TAF3: variants seen among roughly 807,000 people sequenced by gnomAD.
The protein encoded by TAF3 is TATA-box binding protein associated factor 3, also known as transcription initiation factor TFIID subunit 3.
A neutral mutation model predicts 80.6 loss-of-function variants in TAF3; 7 were observed. That is an observed-to-expected ratio of 0.09 (90% CI 0.05 to 0.16). The LOEUF (loss-of-function observed/expected upper bound fraction) is 0.16, where lower values mean the gene tolerates loss of function less well. TAF3 is among the 10% of genes least tolerant of loss of function. TAF3 has a pLI of 1.00. For synonymous variants in TAF3, 444 were observed against 446.1 expected (o/e 1.00, Z 0.06); for missense variants, 921 against 1,140.2 (o/e 0.81, Z 2.77).
intron 2 of TAF3, among the ~76,000 whole-genome samples, chr10:7,954,837 A>C (rs1199648841): frequency 3.6e-5 from 5 of 138,030 alleles, no homozygotes; most frequent in Non-Finnish European, 6.4e-5. Flanking sequence ...AGAGCTCTCC[A>C]TAGTGAGATT....
At chr10:7,901,356 G>A (rs1837557241) in intron 2 of TAF3, among the ~76,000 whole-genome samples, 1 of 152,126 alleles carries the variant, frequency 6.6e-6, no homozygotes, top group Non-Finnish European at 1.5e-5. Flanking sequence ...GTGCATGTTG[G>A]TCACTCTTTA....
intron 2 of TAF3, among the ~76,000 whole-genome samples, chr10:7,903,917 A>G (rs1216812471): frequency 6.6e-6 from 1 of 152,194 alleles, no homozygotes; most frequent in Non-Finnish European, 1.5e-5. Context: ...ATAACGTGAG[A>G]TAACCTACAG....
chr10:7,964,200 A>G lies in TAF3; in HGVS notation c.690A>G (p.Pro230=), dbSNP rs1434721645. ...NTQKIPPMLS[P]VHVQDSTDLA... ...AAAAGATCCCACCAATGCTTTCTCC[A>G]GTCCATGTACAGGACAGTACAGACT... The change falls in exon 3 of 7, where the codon CCA becomes CCG. Residue 230 remains proline, a synonymous_variant. Transcript: ENST00000344293. The surrounding 1 kb of genome is among the most constrained non-coding windows in gnomAD (Gnocchi z 4.1). 6.2e-7 allele frequency: 1 copy of G among 1,614,206 alleles called. No individual in the cohort carries two copies. The highest frequency in any genetic ancestry group is 1.7e-5 in the Admixed American group (1 of 60,028).
At chr10:7,882,633 C>T (rs138323401) in intron 2 of TAF3, among the ~76,000 whole-genome samples, 7 of 152,194 alleles carry the variant, frequency 4.6e-5, no homozygotes, top group Non-Finnish European at 8.8e-5. Context: ...AAGAATTCTC[C>T]AACAGTCAGT....
intron 2 of TAF3, among the ~76,000 whole-genome samples, chr10:7,834,527 A>G (rs1423797146): frequency 3.3e-5 from 5 of 152,174 alleles, no homozygotes; most frequent in Non-Finnish European, 7.3e-5. Flanking sequence ...CTAGGCAATA[A>G]GTAAATAAAT....
Position 7,887,245 on chromosome 10 carries a change from A to AG in TAF3, c.409+62685_409+62686insG, listed in dbSNP as rs1554780046. Among the ~76,000 whole-genome samples the AG allele has an allele frequency of 1.9e-3, 293 of 150,542 alleles. 1 individual carries two copies. The highest frequency in any genetic ancestry group is 3.2e-3 in the Non-Finnish European group (220 of 67,862). ...AGACTCTGTATTTAAAAAAAAAAAA[A>AG]AAAGAAAGAAAGCTGGTTAAGGAAA... On this transcript the variant is annotated intron_variant, in intron 2 of 6. Transcript: ENST00000344293.
In TAF3 at chr10:8,016,418, A is replaced by G. The variant is rs531748727; in HGVS notation, c.*1667A>G. On this transcript the variant is annotated 3_prime_UTR_variant, in exon 7 of 7. Transcript: ENST00000344293. ...CGACCTCTTCGGAGCACAGGGTGTC[A>G]TTGCCCTCGTTGTTCAAGAGGCCAG... is the stretch of plus-strand genomic sequence containing the variant. The G allele has an allele frequency of 1.3e-5, 2 of 152,224 alleles. No homozygotes were observed. Among genetic ancestry groups the G allele is most frequent in the African/African-American group, 2.4e-5 (1 of 41,452 alleles). 9.4% of individuals were successfully genotyped at this position (152,224 alleles called of 1,614,324 possible).
chr10:7,887,157 G>C (rs977264166), intron 2 of TAF3, among the ~76,000 whole-genome samples: 4 of 151,726 alleles, frequency 2.6e-5, no homozygotes, highest in Non-Finnish European at 4.4e-5. Context: ...GCTTGAACCC[G>C]GGAGGTGGAG....
chr10:7,954,795 A>G (rs925862744), intron 2 of TAF3, among the ~76,000 whole-genome samples: 2 of 140,454 alleles, frequency 1.4e-5, no homozygotes, highest in African/African-American at 5.1e-5. Context: ...TGCCCTCCAT[A>G]GGCGAATGAG....
At chr10:7,863,654 CACATATATATAT>C (rs1837174001) in intron 2 of TAF3, among the ~76,000 whole-genome samples, 1 of 103,346 alleles carries the variant, frequency 9.7e-6, no homozygotes, top group African/African-American at 3.5e-5. Flanking sequence ...TATACACACA[CACATATATATAT>C]ACACACATAT....
At chr10:7,879,262 AG>A (rs1167781802) in intron 2 of TAF3, among the ~76,000 whole-genome samples, 1 of 152,198 alleles carries the variant, frequency 6.6e-6, no homozygotes, top group Non-Finnish European at 1.5e-5. Flanking sequence ...CACCAATTAT[AG>A]TTAAACTGTA....
intron 2 of TAF3, among the ~76,000 whole-genome samples, chr10:7,863,116 T>G (rs1837164039): frequency 6.6e-6 from 1 of 151,714 alleles, no homozygotes; most frequent in Non-Finnish European, 1.5e-5. Context: ...CAGGAAACTG[T>G]GGTGGACTAA....
rs1831562024 is a variant in TAF3 at position 7,965,549 on chromosome 10, C to G, written c.2039C>G (p.Ser680Cys). 1.9e-6 allele frequency: 3 copies of G among 1,600,686 alleles called. No homozygotes were observed. The highest frequency in any genetic ancestry group is 2.5e-6 in the Non-Finnish European group (3 of 1,176,884). ...TCCAGGGTCCCAGCCATGCTGCCAT[C>G]TTTGTTGCCAGTGCTTCCGGAAAAA... ...TASRVPAMLPSLLPVLPEKLF... is the reference protein window; with the variant it reads ...TASRVPAMLPCLLPVLPEKLF... The change falls in exon 3 of 7, where the codon TCT (serine) becomes TGT (cysteine). Residue 680 changes from serine (S) to cysteine (C), a missense_variant. By Grantham distance (112) the Ser-to-Cys change is moderately radical (BLOSUM62 -1). Transcript: ENST00000344293.
intron 2 of TAF3, among the ~76,000 whole-genome samples, chr10:7,947,285 G>A (rs372938978): frequency 2.6e-4 from 40 of 152,028 alleles, no homozygotes; most frequent in Middle Eastern, 3.4e-3. Flanking sequence ...AGCCCCCACC[G>A]CAGGCCGGAT....
At chr10:7,825,032 A>G (rs928852097) in intron 2 of TAF3, among the ~76,000 whole-genome samples, 1 of 152,202 alleles carries the variant, frequency 6.6e-6, no homozygotes, top group Non-Finnish European at 1.5e-5. Context: ...ATGAGGAGCA[A>G]TGTTTATTGT....
chr10:7,875,287 T>G (rs923349718), intron 2 of TAF3, among the ~76,000 whole-genome samples: 1 of 151,956 alleles, frequency 6.6e-6, no homozygotes, highest in Non-Finnish European at 1.5e-5. Flanking sequence ...TTCTGGAAAT[T>G]GTAAACTTTT....
chr10:8,004,299 C>T (rs7913604), intron 4 of TAF3, among the ~76,000 whole-genome samples: 24,774 of 152,050 alleles, frequency 0.16, 2,194 homozygotes, highest in East Asian at 0.3. Flanking sequence ...CCACCCACCT[C>T]GGCCTCCCAA....
chr10:7,928,170 A>G (rs1422698262), intron 2 of TAF3, among the ~76,000 whole-genome samples: 1 of 152,184 alleles, frequency 6.6e-6, no homozygotes, highest in Admixed American at 6.5e-5. Flanking sequence ...TCCGCAATGA[A>G]AGGACAAGGA....
intron 2 of TAF3, among the ~76,000 whole-genome samples, chr10:7,929,731 A>G (rs933427454): frequency 6.6e-6 from 1 of 152,244 alleles, no homozygotes; most frequent in African/African-American, 2.4e-5. Flanking sequence ...TATTTAATCA[A>G]CATTACCAAT....
Sources: allele counts gnomAD v4.1 joint callset (sites outside exome capture counted in the v4.1 genomes callset), GRCh38; gene constraint gnomAD v4.1.1; non-coding constraint Gnocchi (gnomAD v3.1); transcripts MANE v1.5; gene names NCBI Gene and HGNC (gene_info 2026-07-23, HGNC 2026-07-21).